The following ANKRD17 variants were observed in gnomAD, a reference collection of about 807,000 sequenced individuals.
ANKRD17 encodes the protein ankyrin repeat domain 17, also known as ankyrin repeat domain-containing protein 17.
Under a neutral mutation model 229.7 loss-of-function variants are expected in ANKRD17, and 19 were observed. That is an observed-to-expected ratio of 0.08 (90% CI 0.06 to 0.12). The LOEUF is 0.12. Ranked by LOEUF, ANKRD17 falls within the 10% of genes least tolerant of loss-of-function variation. The pLI is 1.00. For missense variants in ANKRD17, 2,176 were observed against 3,176.8 expected (o/e 0.68, Z 7.57); for synonymous variants, 1,112 against 1,146.1 (o/e 0.97, Z 0.60).
At chr4:73,224,347 G>A (rs1477882433) in intron 1 of ANKRD17, among the ~76,000 whole-genome samples, 2 of 152,204 alleles carry the variant, frequency 1.3e-5, no homozygotes, top group Admixed American at 1.3e-4. Context: ...TCATGTTTTA[G>A]TGGTGATTTT....
rs1274296472 is a variant in ANKRD17, at chr4:73,074,806, G to A, written c.*1425C>T. On this transcript the variant is annotated 3_prime_UTR_variant, in exon 34 of 34. Transcript: ENST00000358602. ...GATATATACATTACTCGATTTTTAT[G>A]CTTACTTTCTTTTACATTTCAACCA... 1 of 152,126 alleles carries A rather than the reference G, an allele frequency of 6.6e-6. No individual in the cohort carries two copies. Among genetic ancestry groups the A allele is most frequent in the Non-Finnish European group, 1.5e-5 (1 of 67,808 alleles). The allele number at this position is 152,126 out of a possible 1,614,324, so 9.4% of individuals were successfully genotyped here. A position where few individuals can be genotyped will look rare whatever the true frequency, so the allele number is the denominator to read the frequency against.
At chr4:73,243,100 T>C (rs191662499) in intron 1 of ANKRD17, among the ~76,000 whole-genome samples, 3 of 152,196 alleles carry the variant, frequency 2.0e-5, no homozygotes, top group Admixed American at 6.5e-5. Context: ...AAAAAGACCC[T>C]AGCTAGAAAG....
intron 1 of ANKRD17, among the ~76,000 whole-genome samples, chr4:73,242,613 C>T (rs1311856797): frequency 1.3e-5 from 2 of 152,144 alleles, no homozygotes; most frequent in Non-Finnish European, 2.9e-5. Flanking sequence ...GCATGTCTGA[C>T]ATGTTAAATG....
At chr4:73,190,227 G>C (rs1401530524) in intron 1 of ANKRD17, among the ~76,000 whole-genome samples, 2 of 152,060 alleles carry the variant, frequency 1.3e-5, no homozygotes, top group Non-Finnish European at 2.9e-5. Flanking sequence ...AAATCAGACA[G>C]GTGTGGTGGC....
At chr4:73,116,181 A>C (rs1011751632) in intron 22 of ANKRD17, among the ~76,000 whole-genome samples, 4 of 151,908 alleles carry the variant, frequency 2.6e-5, no homozygotes, top group Admixed American at 6.6e-5. Flanking sequence ...ATAATCCCAA[A>C]ATCAATACAA....
chr4:73,146,084 C>T (rs1730248476), intron 10 of ANKRD17, among the ~76,000 whole-genome samples: 1 of 151,988 alleles, frequency 6.6e-6, no homozygotes, highest in South Asian at 2.1e-4. Context: ...CCTATTCTAC[C>T]CACACACAGT....
intron 3 of ANKRD17, among the ~76,000 whole-genome samples, chr4:73,160,210 CTTTTTTTTTTTTT>C (rs144486458): frequency 1.6e-5 from 1 of 61,562 alleles, no homozygotes; most frequent in South Asian, 7.9e-4. Flanking sequence ...TTTCTTATCA[CTTTTTTTTTTTTT>C]TTTTTTTTTT....
intron 16 of ANKRD17, among the ~76,000 whole-genome samples, chr4:73,132,955 T>C (rs978632731): frequency 2.0e-5 from 3 of 152,146 alleles, no homozygotes; most frequent in African/African-American, 7.2e-5. Flanking sequence ...TTGCTAAACA[T>C]AATAGTCTCA....
At chr4:73,108,242 C>A (rs1724875424) in intron 24 of ANKRD17, among the ~76,000 whole-genome samples, 1 of 152,034 alleles carries the variant, frequency 6.6e-6, no homozygotes, top group South Asian at 2.1e-4. Flanking sequence ...TTGGGGTGGG[C>A]AAGGATCAGG....
At chr4:73,188,600 A>T (rs1440499226) in intron 1 of ANKRD17, among the ~76,000 whole-genome samples, 1 of 152,178 alleles carries the variant, frequency 6.6e-6, no homozygotes. Flanking sequence ...AACAAAAAAG[A>T]AAAGAAAAAT....
chr4:73,184,122 C>T (rs1578311062), intron 1 of ANKRD17, among the ~76,000 whole-genome samples: 1 of 152,124 alleles, frequency 6.6e-6, no homozygotes, highest in East Asian at 1.9e-4. Context: ...CAACTGTCAT[C>T]GTTAGCATTA....
At chr4:73,170,911 G>A (rs989177002) in intron 2 of ANKRD17, among the ~76,000 whole-genome samples, 2 of 152,128 alleles carry the variant, frequency 1.3e-5, no homozygotes, top group African/African-American at 4.8e-5. Context: ...CTGGCTCCCA[G>A]ATGGCATCTA....
intron 24 of ANKRD17, among the ~76,000 whole-genome samples, chr4:73,106,456 A>T (rs1005706234): frequency 4.6e-5 from 7 of 152,210 alleles, no homozygotes; most frequent in Admixed American, 2.0e-4. Flanking sequence ...TGTGAGAAGT[A>T]GCAAACCATA....
intron 16 of ANKRD17, among the ~76,000 whole-genome samples, chr4:73,130,736 G>C (rs1283762709): frequency 6.6e-6 from 1 of 151,866 alleles, no homozygotes; most frequent in Non-Finnish European, 1.5e-5. Context: ...TGACAAAAAA[G>C]AGGCTGGAAC....
intron 31 of ANKRD17, among the ~76,000 whole-genome samples, chr4:73,078,255 T>C (rs1721200981): frequency 6.6e-6 from 1 of 152,178 alleles, no homozygotes. Flanking sequence ...CGGGCGCCTG[T>C]AGTCTCAGCT....
At chr4:73,243,173 C>G (rs1287003374) in intron 1 of ANKRD17, among the ~76,000 whole-genome samples, 1 of 151,964 alleles carries the variant, frequency 6.6e-6, no homozygotes, top group Non-Finnish European at 1.5e-5. Context: ...ACTAGAAGGG[C>G]TGGAACAACA....
chr4:73,130,032 T>C (rs1158576996), intron 16 of ANKRD17, among the ~76,000 whole-genome samples: 1 of 151,994 alleles, frequency 6.6e-6, no homozygotes, highest in Non-Finnish European at 1.5e-5. Context: ...CCCAAAGTGC[T>C]GGGATTACAG....
chr4:73,239,493 A>C (rs1383750647), intron 1 of ANKRD17, among the ~76,000 whole-genome samples: 2 of 152,220 alleles, frequency 1.3e-5, no homozygotes, highest in Non-Finnish European at 2.9e-5. Flanking sequence ...TAACGTGAAA[A>C]TCTATGATGG....
At chr4:73,211,758 A>G (rs1740295731) in intron 1 of ANKRD17, among the ~76,000 whole-genome samples, 1 of 151,804 alleles carries the variant, frequency 6.6e-6, no homozygotes, top group African/African-American at 2.4e-5. Flanking sequence ...GAGGCAGGAG[A>G]ATCACTTGAA....
Sources: gnomAD v4.1 joint callset for allele counts (sites outside exome capture counted in the v4.1 genomes callset) on GRCh38, gnomAD v4.1.1 for gene constraint, MANE v1.5 for transcripts, NCBI Gene and HGNC (gene_info 2026-07-23, HGNC 2026-07-21) for gene names.